PTPRD: variants seen among roughly 807,000 people sequenced by gnomAD.
The protein encoded by PTPRD is protein tyrosine phosphatase receptor type D.
In PTPRD, 34 loss-of-function variants were observed where a neutral mutation model predicts 214.5. The observed-to-expected ratio is 0.16, with a 90% CI of 0.12 to 0.21. PTPRD has a LOEUF of 0.21. PTPRD is among the 10% of genes least tolerant of loss of function. The pLI is 1.00. For synonymous variants in PTPRD, 1,128 were observed against 845.7 expected, an observed-to-expected ratio of 1.33 and a Z score of -5.79; for missense variants, 2,545 against 2,398.7, an observed-to-expected ratio of 1.06 and a Z score of -1.27.
chr9:8,509,899 T>C (rs1172787884), intron 21 of PTPRD, among the ~76,000 whole-genome samples: 1 of 152,164 alleles, frequency 6.6e-6, no homozygotes, highest in African/African-American at 2.4e-5. Flanking sequence ...GCAAAGTGTC[T>C]TCATCTAATG....
intron 3 of PTPRD, among the ~76,000 whole-genome samples, chr9:10,277,110 G>C (rs2094742131): frequency 6.6e-6 from 1 of 152,154 alleles, no homozygotes; most frequent in Non-Finnish European, 1.5e-5. Flanking sequence ...AGTTATAGCT[G>C]ATCTGGAGGT....
intron 3 of PTPRD, among the ~76,000 whole-genome samples, chr9:10,285,527 T>A (rs2095315174): frequency 6.6e-6 from 1 of 151,796 alleles, no homozygotes; most frequent in Non-Finnish European, 1.5e-5. Context: ...GAAGCAAGGC[T>A]GCTTGGGTTG....
intron 5 of PTPRD, among the ~76,000 whole-genome samples, chr9:9,873,608 A>G (rs2066061928): frequency 6.6e-6 from 1 of 152,182 alleles, no homozygotes; most frequent in South Asian, 2.1e-4. Context: ...ATCTCCATTA[A>G]TGCCATGCCT....
At chr9:8,961,070 T>C (rs999324987) in intron 11 of PTPRD, among the ~76,000 whole-genome samples, 1 of 152,088 alleles carries the variant, frequency 6.6e-6, no homozygotes, top group Non-Finnish European at 1.5e-5. Flanking sequence ...GTTTATAATA[T>C]AATGAAATAC....
At chr9:10,244,286 T>G (rs1466213936) in intron 3 of PTPRD, among the ~76,000 whole-genome samples, 3 of 152,150 alleles carry the variant, frequency 2.0e-5, no homozygotes, top group African/African-American at 7.2e-5. Flanking sequence ...CAATGCATCC[T>G]CATTAAATTG....
intron 12 of PTPRD, among the ~76,000 whole-genome samples, chr9:8,671,265 TC>T (rs1338429524): frequency 3.3e-5 from 5 of 152,136 alleles, no homozygotes; most frequent in African/African-American, 1.2e-4. Context: ...CAAGGTATCA[TC>T]CCTAAACTAA....
chr9:8,481,368 G>T (rs10815887), intron 30 of PTPRD, among the ~76,000 whole-genome samples: 43,706 of 151,832 alleles, frequency 0.29, 6,255 homozygotes, highest in East Asian at 0.35. Flanking sequence ...AATTGAAAGT[G>T]TACCCAGGAA....
chr9:9,748,275 C>T lies in PTPRD; in HGVS notation c.-325-13704G>A, dbSNP rs1293519850. On this transcript the variant is annotated intron_variant, in intron 6 of 45. Transcript: ENST00000381196. ...TCTGTACTTTTTAAACAGTGGGATC[C>T]TACACTAAAATCTTTGCATATTTGC... Among the ~76,000 whole-genome samples, 4 of 152,136 alleles carry T rather than the reference C, an allele frequency of 2.6e-5. No individual in the cohort carries two copies. The South Asian group carries it at 6.2e-4, about 24-fold the overall frequency.
At chr9:8,846,019 T>G (rs2097688297) in intron 11 of PTPRD, among the ~76,000 whole-genome samples, 1 of 152,190 alleles carries the variant, frequency 6.6e-6, no homozygotes, top group East Asian at 1.9e-4. Context: ...AATGGCCATG[T>G]GTCAGAATTA....
chr9:10,557,130 A>G (rs1309108190), intron 2 of PTPRD, among the ~76,000 whole-genome samples: 1 of 152,124 alleles, frequency 6.6e-6, no homozygotes, highest in Admixed American at 6.6e-5. Context: ...AAAGAAATGC[A>G]ACCCAGTCAA....
At chr9:10,505,872 T>C (rs533232773) in intron 2 of PTPRD, among the ~76,000 whole-genome samples, 5 of 88,424 alleles carry the variant, frequency 5.7e-5, no homozygotes, top group South Asian at 9.9e-4. Context: ...TTTTAAGCAA[T>C]ATTTTAATTA....
chr9:9,975,116 T>C (rs1372226008), intron 4 of PTPRD, among the ~76,000 whole-genome samples: 1 of 148,072 alleles, frequency 6.8e-6, no homozygotes, highest in East Asian at 1.9e-4. Context: ...TTTCTGTAAA[T>C]GTGCGCTCCC....
At chr9:9,280,588 A>G (rs181211015) in intron 9 of PTPRD, among the ~76,000 whole-genome samples, 31 of 151,466 alleles carry the variant, frequency 2.0e-4, no homozygotes, top group Non-Finnish European at 3.6e-4. Context: ...TATAAGATCC[A>G]TATCAGGAAA....
At chr9:8,661,110 A>G (rs2097038469) in intron 12 of PTPRD, among the ~76,000 whole-genome samples, 1 of 152,110 alleles carries the variant, frequency 6.6e-6, no homozygotes, top group African/African-American at 2.4e-5. Context: ...CAGATATTGT[A>G]TCTATAAATA....
intron 6 of PTPRD, among the ~76,000 whole-genome samples, chr9:9,761,575 A>T (rs575689341): frequency 1.3e-5 from 2 of 152,148 alleles, no homozygotes; most frequent in Non-Finnish European, 2.9e-5. Flanking sequence ...TCTGAACAAT[A>T]TTGGGGGTTT....
At chr9:9,040,146 G>C (rs2099635009) in intron 10 of PTPRD, among the ~76,000 whole-genome samples, 1 of 152,158 alleles carries the variant, frequency 6.6e-6, no homozygotes, top group Non-Finnish European at 1.5e-5. Flanking sequence ...GCCCATGCAA[G>C]GGGAAAGGGC....
At chr9:9,450,811 T>A (rs1228323754) in intron 8 of PTPRD, among the ~76,000 whole-genome samples, 1 of 151,522 alleles carries the variant, frequency 6.6e-6, no homozygotes, top group Non-Finnish European at 1.5e-5. Context: ...GTAATAGAGT[T>A]TACTACCAAC....
chr9:8,565,802 A>C (rs10511500), intron 14 of PTPRD, among the ~76,000 whole-genome samples: 53,413 of 152,066 alleles, frequency 0.35, 9,424 homozygotes, highest in Middle Eastern at 0.39. Flanking sequence ...AACTGGGGTA[A>C]GTTATTCATC....
intron 2 of PTPRD, among the ~76,000 whole-genome samples, chr9:10,605,221 C>T (rs1233117182): frequency 6.6e-6 from 1 of 151,738 alleles, no homozygotes; most frequent in East Asian, 1.9e-4. Flanking sequence ...TTTTCTCTGT[C>T]TATTCTCTTT....
Sources: allele counts gnomAD v4.1 joint callset (sites outside exome capture counted in the v4.1 genomes callset), GRCh38; gene constraint gnomAD v4.1.1; transcripts MANE v1.5; gene names NCBI Gene and HGNC (gene_info 2026-07-23, HGNC 2026-07-21).